Variants in MNS1 observed in about 807,000 individuals in gnomAD.
The protein encoded by MNS1 is meiosis-specific nuclear structural protein 1.
A neutral mutation model predicts 72.0 loss-of-function variants in MNS1; 63 were observed. The ratio of observed to expected loss-of-function variants is 0.87; its 90% confidence interval spans 0.71 to 1.08. The LOEUF (loss-of-function observed/expected upper bound fraction) is 1.08, where lower values mean the gene tolerates loss of function less well. MNS1 is among the 50% of genes least tolerant of loss of function. The pLI, the probability that MNS1 is intolerant of heterozygous loss-of-function variation, is 0.00. For missense variants in MNS1, 604 were observed against 562.4 expected, an observed-to-expected ratio of 1.07 and a Z score of -0.75; for synonymous variants, 188 against 172.1, an observed-to-expected ratio of 1.09 and a Z score of -0.72.
intron 2 of MNS1, among the ~76,000 whole-genome samples, chr15:56,457,307 T>G (rs2050987685): frequency 6.6e-6 from 1 of 152,150 alleles, no homozygotes; most frequent in Non-Finnish European, 1.5e-5. Flanking sequence ...TTGATTAAAT[T>G]CAGTATCTAA....
intron 3 of MNS1, among the ~76,000 whole-genome samples, chr15:56,452,680 G>A (rs550232416): frequency 4.2e-4 from 63 of 151,784 alleles, no homozygotes; most frequent in Non-Finnish European, 4.9e-4. Flanking sequence ...CACCAGGCCC[G>A]GCTAATTTTT....
intron 5 of MNS1, 40 bp downstream of exon 5, chr15:56,444,404 G>C: frequency 6.6e-7 from 1 of 1,521,862 alleles, no homozygotes; most frequent in Non-Finnish European, 8.9e-7. Flanking sequence ...TATATCTAAA[G>C]TAAACATTTA....
rs555590139 is a variant in MNS1, at chr15:56,431,317, G to GT, written c.1395+55dup. On this transcript the variant is annotated intron_variant, in intron 9 of 9. Coordinates refer to ENST00000260453, the MANE Select transcript of MNS1 (RefSeq NM_018365.4). ...AGGCACTCTAAAATCCAAATACCAT[G>GT]TTTTTTTCACTATTACAGGTCATGA... The GT allele has an allele frequency of 1.0e-3, 1,576 of 1,577,076 alleles. 4 individuals carry two copies. The Middle Eastern group carries it at 0.012, about 12-fold the overall frequency.
chr15:56,451,820 G>C (rs576312786), intron 3 of MNS1, among the ~76,000 whole-genome samples: 13 of 152,192 alleles, frequency 8.5e-5, no homozygotes, highest in African/African-American at 3.1e-4. Context: ...TGTACTTTTT[G>C]ACCAAAGGGT....
intron 7 of MNS1, among the ~76,000 whole-genome samples, chr15:56,440,023 A>G (rs2050793053): frequency 6.6e-6 from 1 of 152,146 alleles, no homozygotes; most frequent in Non-Finnish European, 1.5e-5. Flanking sequence ...CTGACAAAGG[A>G]CTAGTATCTA....
rs1408358558 is a variant in MNS1 at position 56,443,472 on chromosome 15, T to C, written c.969A>G (p.Leu323=). Residue 323 remains leucine, a synonymous_variant, in exon 7 of 10, where the codon TTA becomes TTG. Transcript: ENST00000260453. ...REDLEQVRQE[L]YQEEQAEIYK... Reference sequence around the variant, plus strand: ...ATATTTCAGCTTGTTCTTCCTGGTATAATTCTTGTCGCACTTGTTCCAAAT... The same window carrying C: ...ATATTTCAGCTTGTTCTTCCTGGTACAATTCTTGTCGCACTTGTTCCAAAT... 6.3e-7 allele frequency: 1 copy of C among 1,599,610 alleles called. No individual in the cohort carries two copies. The highest frequency in any genetic ancestry group is 2.2e-5 in the East Asian group (1 of 44,620).
At chr15:56,442,155 G>A (rs1182951789) in intron 7 of MNS1, among the ~76,000 whole-genome samples, 1 of 152,110 alleles carries the variant, frequency 6.6e-6, no homozygotes, top group East Asian at 1.9e-4. Flanking sequence ...CTAATCATTA[G>A]AGAAATGCAA....
intron 5 of MNS1, among the ~76,000 whole-genome samples, 195 bp from the exon 6 acceptor site, chr15:56,444,049 T>A (rs2050865688): frequency 6.6e-6 from 1 of 152,058 alleles, no homozygotes; most frequent in African/African-American, 2.4e-5. Flanking sequence ...ACTGTGATAG[T>A]CTCCTCTAAC....
chr15:56,432,062 A>G (rs1267167740), intron 8 of MNS1, among the ~76,000 whole-genome samples: 1 of 152,196 alleles, frequency 6.6e-6, no homozygotes, highest in African/African-American at 2.4e-5. Flanking sequence ...TGTTAATTTG[A>G]GACTGTACTT....
chr15:56,464,316 T>C (rs1231246799), intron 1 of MNS1, 69 bp from the exon 2 acceptor site: 2 of 1,129,166 alleles, frequency 1.8e-6, no homozygotes, highest in Admixed American at 2.2e-5. Context: ...AATGTATTGA[T>C]ATAAACCTTA....
chr15:56,437,969 C>T, intron 7 of MNS1, among the ~76,000 whole-genome samples: 1 of 152,042 alleles, frequency 6.6e-6, no homozygotes, highest in East Asian at 1.9e-4. Context: ...TAAAAGACGA[C>T]ACAAACAAAT....
Position 56,450,747 on chromosome 15 carries a change from GA to G in MNS1, c.354-3805del, listed in dbSNP as rs140129964. 7.9e-3 allele frequency among the ~76,000 whole-genome samples: 1,204 copies of G among 152,182 alleles called. 12 individuals are homozygous for G. The highest frequency in any genetic ancestry group is 0.027 in the African/African-American group (1,128 of 41,522). On this transcript the variant is annotated intron_variant, in intron 3 of 9. Transcript: ENST00000260453. ...AAGTATCCATTTAAGTCTCACTATT[GA>G]ATTTTTTGTATATTTATGCCTAGGA... is the stretch of plus-strand genomic sequence containing the variant.
chr15:56,447,090 A>T (rs2050911222), intron 3 of MNS1, 147 bp from the exon 4 acceptor site: 1 of 597,208 alleles, frequency 1.7e-6, no homozygotes, highest in African/African-American at 1.9e-5. Flanking sequence ...ATAATTCATT[A>T]TATTTAATGG....
At chr15:56,450,937 GA>G (rs1398478109) in intron 3 of MNS1, among the ~76,000 whole-genome samples, 1 of 152,088 alleles carries the variant, frequency 6.6e-6, no homozygotes, top group Non-Finnish European at 1.5e-5. Flanking sequence ...TATTAGATGT[GA>G]AACAGTTTCT....
rs1279267412 is a variant in MNS1 at position 56,431,573 on chromosome 15, T to G, written c.1270-75A>C. ...CGAAGTTTTCAAATAAAACTACTCA[T>G]GCAATGAATTAGATAAAATTGATGA... On this transcript the variant is annotated intron_variant, in intron 8 of 9. Coordinates refer to ENST00000260453, the MANE Select transcript of MNS1 (RefSeq NM_018365.4). 2.1e-6 allele frequency: 3 copies of G among 1,449,996 alleles called. No individual in the cohort carries two copies. The African/African-American group carries it at 4.2e-5, about 21-fold the overall frequency. The allele number at this position is 1,449,996 out of a possible 1,614,324, so 89.8% of individuals were successfully genotyped here. A position where few individuals can be genotyped will look rare whatever the true frequency, so the allele number is the denominator to read the frequency against.
chr15:56,451,528 G>A (rs1250212149), intron 3 of MNS1, among the ~76,000 whole-genome samples: 1 of 152,168 alleles, frequency 6.6e-6, no homozygotes, highest in Non-Finnish European at 1.5e-5. Context: ...GGAGAGACAG[G>A]AGCTGGGAGC....
chr15:56,429,677 A>AAGCAAACCCTTTGGAG, intron 9 of MNS1: 1 of 152,100 alleles, frequency 6.6e-6, no homozygotes, highest in Non-Finnish European at 1.5e-5. Flanking sequence ...ACCCTTTGGA[A>AAGCAAACCCTTTGGAG]TTCTTCACTG....
At chr15:56,444,729 G>T in intron 4 of MNS1, 56 bp from the exon 5 acceptor site, 2 of 1,365,352 alleles carry the variant, frequency 1.5e-6, no homozygotes, top group Middle Eastern at 1.9e-4. Context: ...TAGTACGATA[G>T]TATATTTTAC....
chr15:56,460,009 A>AAAAAAAAAAT lies in MNS1; in HGVS notation c.226-3489_226-3488insATTTTTTTTT. Reference sequence around the variant, plus strand: ...CTGTCTCAAAAAAAAAAAAAAAAAAAATACATATATATATATATATATATA... The same window carrying AAAAAAAAAAT: ...CTGTCTCAAAAAAAAAAAAAAAAAAAAAAAAAAAATATACATATATATATATATATATATA... On this transcript the variant is annotated intron_variant, in intron 2 of 9. Coordinates refer to ENST00000260453, the MANE Select transcript of MNS1 (RefSeq NM_018365.4). Among the ~76,000 whole-genome samples, 217 of 26,350 alleles carry AAAAAAAAAAT rather than the reference A, an allele frequency of 8.2e-3. 36 individuals are homozygous for AAAAAAAAAAT. Among genetic ancestry groups the AAAAAAAAAAT allele is most frequent in the South Asian group, 0.021 (14 of 670 alleles). The allele number at this position is 26,350 out of a possible 152,430, so 17.3% of individuals were successfully genotyped here. A position where few individuals can be genotyped will look rare whatever the true frequency, so the allele number is the denominator to read the frequency against.
Sources: gnomAD v4.1 joint callset for allele counts (sites outside exome capture counted in the v4.1 genomes callset) on GRCh38, gnomAD v4.1.1 for gene constraint, MANE v1.5 for transcripts, NCBI Gene and HGNC (gene_info 2026-07-23, HGNC 2026-07-21) for gene names.